ZNF214: variants seen among roughly 807,000 people sequenced by gnomAD.
ZNF214 encodes the protein zinc finger protein 214.
Under a neutral mutation model 53.9 loss-of-function variants are expected in ZNF214, and 43 were observed. That is an observed-to-expected ratio of 0.80 (90% CI 0.63 to 1.03). ZNF214 has a LOEUF of 1.03. Among genes scored for constraint, ZNF214 ranks in the 50% least tolerant of loss-of-function variants. The probability of loss-of-function intolerance (pLI) is 0.00; values close to 1 mark genes in which losing one functional copy is unlikely to be tolerated. For synonymous variants in ZNF214, 217 were observed against 229.5 expected (o/e 0.95, Z 0.49); for missense variants, 724 against 719.1 (o/e 1.01, Z -0.08).
intron 1 of ZNF214, among the ~76,000 whole-genome samples, chr11:7,014,343 C>T (rs1366872911): frequency 6.6e-6 from 1 of 152,098 alleles, no homozygotes; most frequent in Non-Finnish European, 1.5e-5. Context: ...AAAACTAAAG[C>T]AATCCAAAAA....
chr11:7,002,122 C>G (rs1319658483), intron 2 of ZNF214, among the ~76,000 whole-genome samples: 2 of 151,952 alleles, frequency 1.3e-5, no homozygotes, highest in Non-Finnish European at 2.9e-5. Context: ...CTTGCCCTCT[C>G]TCGATGCTTT....
rs1390165389 is a variant in ZNF214 at position 7,002,888 on chromosome 11, CAAAGAT to C, written c.-20-39_-20-34del. 9.8e-6 allele frequency: 15 copies of C among 1,529,830 alleles called. No individual in the cohort carries two copies. The African/African-American group carries it at 2.1e-4, about 22-fold the overall frequency. 94.8% of individuals were successfully genotyped at this position (1,529,830 alleles called of 1,614,324 possible). A position where few individuals can be genotyped will look rare whatever the true frequency, so the allele number is the denominator to read the frequency against. On this transcript the variant is annotated intron_variant, in intron 1 of 2. Coordinates refer to ENST00000278314, the MANE Select transcript of ZNF214 (RefSeq NM_013249.4). ...AAAGAAATCTAAGTGAGAAGATGGA[CAAAGAT>C]AAAGACATTTAGCAGATAAGATATG...
chr11:7,006,964 T>C (rs1169752585), intron 1 of ZNF214, among the ~76,000 whole-genome samples: 1 of 151,904 alleles, frequency 6.6e-6, no homozygotes, highest in African/African-American at 2.4e-5. Flanking sequence ...CTTGGTGAAG[T>C]TTATTGTTAT....
At chr11:7,019,074 C>T (rs1851849021) in intron 1 of ZNF214, among the ~76,000 whole-genome samples, 1 of 152,174 alleles carries the variant, frequency 6.6e-6, no homozygotes, top group South Asian at 2.1e-4. Flanking sequence ...TGGGATCAGA[C>T]TATGAGGGAA....
At chr11:7,017,564 C>A (rs988034040) in intron 1 of ZNF214, among the ~76,000 whole-genome samples, 10 of 151,854 alleles carry the variant, frequency 6.6e-5, no homozygotes, top group African/African-American at 2.4e-4. Context: ...CGGTGAAACC[C>A]CATCTCTACT....
rs746590136 is a variant in ZNF214 at position 7,000,722 on chromosome 11, G to C, written c.961C>G (p.His321Asp). ...SFSQISSLHN[H>D]QRVHTEEKFY... ...TTCTCTTCTGTGTGGACTCTTTGAT[G>C]ATTGTGAAGACTAGAGATCTGGCTG... is the stretch of plus-strand genomic sequence containing the variant. The change falls in exon 3 of 3, where the codon CAT (histidine) becomes GAT (aspartate). Residue 321 changes from histidine (H) to aspartate (D), a missense_variant. By Grantham distance (81) the His-to-Asp change is moderately conservative. Transcript: ENST00000278314. 7 of 1,610,210 alleles carry C rather than the reference G, an allele frequency of 4.3e-6. No homozygotes were observed. In the African/African-American group the frequency reaches 6.7e-5, roughly 15 times the overall value.
At position 7,000,761 on chromosome 11, in the gene ZNF214, A is replaced by G. The variant is rs1041991253; in HGVS notation, c.922T>C (p.Cys308Arg). 3.7e-6 allele frequency: 6 copies of G among 1,610,844 alleles called. No homozygotes were observed. The South Asian group carries it at 6.6e-5, about 18-fold the overall frequency. Residue 308 changes from cysteine to arginine, a missense_variant, in exon 3 of 3, where the codon TGT (cysteine) becomes CGT (arginine). Cys to Arg is a radical substitution (Grantham distance 180). Coordinates refer to ENST00000278314, the MANE Select transcript of ZNF214 (RefSeq NM_013249.4). Reference sequence around the variant, plus strand: ...GAGATCTGGCTGAAGCTCTTACCACATGCATTACAGCTATAAGGTACCTCC... The same window carrying G: ...GAGATCTGGCTGAAGCTCTTACCACGTGCATTACAGCTATAAGGTACCTCC... ...IGEVPYSCNACGKSFSQISSL... is the reference protein window; with the variant it reads ...IGEVPYSCNARGKSFSQISSL...
Position 7,000,230 on chromosome 11 carries a change from G to C in ZNF214, c.1453C>G (p.Leu485Val). The C allele has an allele frequency of 6.2e-7, 1 of 1,613,354 alleles. No individual in the cohort carries two copies. The highest frequency in any genetic ancestry group is 1.7e-5 in the Admixed American group (1 of 59,842). The change falls in exon 3 of 3, where the codon CTT becomes GTT. Residue 485 changes from leucine (L) to valine (V), a missense_variant. Physicochemically the swap from Leu to Val is conservative, Grantham distance 32 (BLOSUM62 1). Coordinates refer to ENST00000278314, the MANE Select transcript of ZNF214 (RefSeq NM_013249.4). ...GTATGTACTCTTTGATGAGTGTGAA[G>C]CTTTGAACTCTTACTGAAGCCCTTC... is the stretch of plus-strand genomic sequence containing the variant. The part of the protein sequence containing the change: ...CGKGFSKSSK[L>V]HTHQRVHTGE...
rs913054771 is a variant in ZNF214, at chr11:6,999,329, A to G, written c.*533T>C. On this transcript the variant is annotated 3_prime_UTR_variant, in exon 3 of 3. Coordinates refer to ENST00000278314, the MANE Select transcript of ZNF214 (RefSeq NM_013249.4). ...ACACAATGTCATACAATGCTTTCCT[A>G]TCTTTTATTAGGTGGCTTTTGTCCA... The G allele has an allele frequency of 1.3e-5, 2 of 152,866 alleles. No homozygotes were observed. The highest frequency in any genetic ancestry group is 2.1e-4 in the South Asian group (1 of 4,872). 9.5% of individuals were successfully genotyped at this position (152,866 alleles called of 1,614,324 possible).
intron 1 of ZNF214, among the ~76,000 whole-genome samples, chr11:7,015,383 G>C (rs991334180): frequency 1.3e-5 from 2 of 152,064 alleles, no homozygotes; most frequent in Non-Finnish European, 2.9e-5. Context: ...TTCGAGACTA[G>C]CCTGGCCAAC....
chr11:7,017,494 T>C (rs1175880127), intron 1 of ZNF214, among the ~76,000 whole-genome samples: 1 of 152,156 alleles, frequency 6.6e-6, no homozygotes, highest in Non-Finnish European at 1.5e-5. Flanking sequence ...GCAAACTTAA[T>C]GGGAGTCCAA....
chr11:7,002,894 TA>T, intron 1 of ZNF214, 39 bp from the exon 2 acceptor site: 1 of 1,519,770 alleles, frequency 6.6e-7, no homozygotes, highest in Non-Finnish European at 8.8e-7. Flanking sequence ...TGGACAAAGA[TA>T]AAGACATTTA....
At chr11:7,005,390 AGAT>A (rs1851451014) in intron 1 of ZNF214, among the ~76,000 whole-genome samples, 1 of 152,096 alleles carries the variant, frequency 6.6e-6, no homozygotes, top group Non-Finnish European at 1.5e-5. Flanking sequence ...CAATAAACTA[AGAT>A]GACAAGCCTA....
At position 7,003,485 on chromosome 11, in the gene ZNF214, A is replaced by C. The variant is rs1851403907; in HGVS notation, c.-20-630T>G. On this transcript the variant is annotated intron_variant, in intron 1 of 2. Coordinates refer to ENST00000278314, the MANE Select transcript of ZNF214 (RefSeq NM_013249.4). ...TGTATGAATAGGGCTATGTTATCTCATTTACTCTCAGAACAATCCAATAAG... is the reference window on the plus strand; with the variant it reads ...TGTATGAATAGGGCTATGTTATCTCCTTTACTCTCAGAACAATCCAATAAG... Among the ~76,000 whole-genome samples the C allele has an allele frequency of 2.0e-5, 3 of 152,014 alleles. No homozygotes were observed. The South Asian group carries it at 6.2e-4, about 31-fold the overall frequency.
chr11:7,006,318 C>T (rs1471405771), intron 1 of ZNF214, among the ~76,000 whole-genome samples: 2 of 151,968 alleles, frequency 1.3e-5, no homozygotes, highest in Non-Finnish European at 2.9e-5. Flanking sequence ...TAAGTAACCC[C>T]CCAACAATAT....
chr11:7,019,083 A>C (rs1268407833), intron 1 of ZNF214, among the ~76,000 whole-genome samples: 1 of 152,182 alleles, frequency 6.6e-6, no homozygotes, highest in Non-Finnish European at 1.5e-5. Context: ...ACTATGAGGG[A>C]AACAGTGTAC....
intron 2 of ZNF214, among the ~76,000 whole-genome samples, chr11:7,002,043 T>G (rs1369000064): frequency 6.6e-6 from 1 of 152,020 alleles, no homozygotes; most frequent in Non-Finnish European, 1.5e-5. Flanking sequence ...CTCTCTATGC[T>G]TGGCTACACA....
Position 7,000,323 on chromosome 11 carries a change from T to C in ZNF214, c.1360A>G (p.Ser454Gly), listed in dbSNP as rs1340392792. ...CDDCGKDFSH[S>G]SDLRIHQRVH... ...CTCTGATGAATGCGAAGATCTGAGC[T>C]GTGACTAAAGTCCTTTCCACAGTCA... The change falls in exon 3 of 3, where the codon AGC (serine) becomes GGC (glycine). Residue 454 changes from serine (S) to glycine (G), a missense_variant. Transcript: ENST00000278314. The C allele has an allele frequency of 1.2e-6, 2 of 1,613,394 alleles. No homozygotes were observed. The highest frequency in any genetic ancestry group is 1.7e-5 in the Admixed American group (1 of 59,906).
intron 1 of ZNF214, 113 bp from the exon 2 acceptor site, chr11:7,002,968 A>G (rs1851388861): frequency 9.8e-7 from 1 of 1,019,600 alleles, no homozygotes; most frequent in Non-Finnish European, 1.3e-6. Context: ...GAGAAAACCA[A>G]GAAAGGTAAG....
Sources: allele counts gnomAD v4.1 joint callset (sites outside exome capture counted in the v4.1 genomes callset), GRCh38; gene constraint gnomAD v4.1.1; transcripts MANE v1.5; gene names NCBI Gene and HGNC (gene_info 2026-07-23, HGNC 2026-07-21).